ACVR1B: variants seen among roughly 807,000 people sequenced by gnomAD.
ACVR1B encodes the protein activin A receptor type 1B.
A neutral mutation model predicts 55.6 loss-of-function variants in ACVR1B; 15 were observed. That is an observed-to-expected ratio of 0.27 (90% CI 0.18 to 0.42). The LOEUF (loss-of-function observed/expected upper bound fraction) is 0.42. Among genes scored for constraint, ACVR1B ranks in the 10% least tolerant of loss-of-function variants. The pLI, the probability that ACVR1B is intolerant of heterozygous loss-of-function variation, is 1.00. For synonymous variants in ACVR1B, 247 were observed against 254.6 expected (o/e 0.97, Z 0.28); for missense variants, 359 against 670.1 (o/e 0.54, Z 5.13).
intron 1 of ACVR1B, among the ~76,000 whole-genome samples, chr12:51,967,259 A>T (rs1046525903): frequency 6.7e-6 from 1 of 150,072 alleles, no homozygotes; most frequent in African/African-American, 2.5e-5. Flanking sequence ...CCAAACAAAC[A>T]AACAAATAAA....
At chr12:51,970,154 A>G (rs1323408466) in intron 1 of ACVR1B, among the ~76,000 whole-genome samples, 4 of 152,126 alleles carry the variant, frequency 2.6e-5, no homozygotes, top group African/African-American at 9.7e-5. Flanking sequence ...GATGTGAATG[A>G]TATTTGCAGG....
At position 51,980,451 on chromosome 12, in the gene ACVR1B, G is replaced by A. The variant is rs147164192; in HGVS notation, c.581-518G>A. 1.3e-3 allele frequency among the ~76,000 whole-genome samples: 197 copies of A among 152,270 alleles called. 1 individual carries two copies. The highest frequency in any genetic ancestry group is 1.4e-3 in the Non-Finnish European group (93 of 68,028). ...GTCCTCCATTCTACATCTGGAGTTCGCTTGTGAGCAGAGCATTGCTCTCTT... is the reference window on the plus strand; with the variant it reads ...GTCCTCCATTCTACATCTGGAGTTCACTTGTGAGCAGAGCATTGCTCTCTT... On this transcript the variant is annotated intron_variant, in intron 3 of 8. Transcript: ENST00000257963.
chr12:51,994,212 CTG>C lies in ACVR1B; in HGVS notation c.*105_*106del. 2.6e-6 allele frequency: 4 copies of C among 1,523,300 alleles called. No homozygotes were observed. Among genetic ancestry groups the C allele is most frequent in the Non-Finnish European group, 2.6e-6 (3 of 1,133,550 alleles). The allele number at this position is 1,523,300 out of a possible 1,614,324, so 94.4% of individuals were successfully genotyped here. ...CTACCTCTCGTTTCTGCCCAGCCCT[CTG>C]TGGCCAGGAGCCCTGGCCCGCAAGA... On this transcript the variant is annotated 3_prime_UTR_variant, in exon 9 of 9. Coordinates refer to ENST00000257963, the MANE Select transcript of ACVR1B (RefSeq NM_004302.5). This position sits in a 1 kb window ranked among gnomAD's most constrained non-coding sequence, Gnocchi z 4.2.
Position 51,981,039 on chromosome 12 carries a change from G to A in ACVR1B, c.651G>A (p.Arg217=), listed in dbSNP as rs2120660593. 2 of 1,614,202 alleles carry A rather than the reference G, an allele frequency of 1.2e-6. No individual in the cohort carries two copies. Among genetic ancestry groups the A allele is most frequent in the Non-Finnish European group, 1.7e-6 (2 of 1,180,028 alleles). The change falls in exon 4 of 9, where the codon CGG becomes CGA. Residue 217 remains arginine, a synonymous_variant. Transcript: ENST00000257963. ...TACAAGAGATTATTGGCAAGGGTCG[G>A]TTTGGGGAAGTATGGCGGGGCCGCT... The part of the protein sequence containing the change: ...IVLQEIIGKG[R]FGEVWRGRWR...
intron 8 of ACVR1B, among the ~76,000 whole-genome samples, chr12:51,992,500 CATAAA>C (rs1467446598): frequency 2.6e-5 from 4 of 152,244 alleles, no homozygotes; most frequent in African/African-American, 9.6e-5. Flanking sequence ...GACCCTGTCT[CATAAA>C]AGAAAAAGGA....
intron 1 of ACVR1B, among the ~76,000 whole-genome samples, chr12:51,972,308 A>C (rs545000564): frequency 2.4e-4 from 37 of 152,360 alleles, no homozygotes; most frequent in Non-Finnish European, 1.0e-4. Context: ...CACGTGCCGT[A>C]TAACAGCATT....
In ACVR1B at chr12:51,992,052, G is replaced by C. The variant is rs761980696; in HGVS notation, c.1392+59G>C. On this transcript the variant is annotated intron_variant, in intron 8 of 8. Coordinates refer to ENST00000257963, the MANE Select transcript of ACVR1B (RefSeq NM_004302.5). ...GCCTGATTTCTCCACCTTAGAAAAG[G>C]GTTTCTTGACAATGGGGTCAGGCCC... is the stretch of plus-strand genomic sequence containing the variant. 25 of 1,612,790 alleles carry C rather than the reference G, an allele frequency of 1.6e-5. No homozygotes were observed. In the South Asian group the frequency reaches 2.3e-4, roughly 15 times the overall value.
intron 8 of ACVR1B, among the ~76,000 whole-genome samples, 186 bp from the exon 9 acceptor site, chr12:51,993,799 A>T (rs1215885216): frequency 2.6e-4 from 35 of 136,370 alleles, no homozygotes; most frequent in South Asian, 5.2e-4. Context: ...AAAAAAAAAA[A>T]AAAAAGGAAG....
intron 1 of ACVR1B, among the ~76,000 whole-genome samples, chr12:51,958,088 C>A (rs1941447097): frequency 6.6e-6 from 1 of 152,112 alleles, no homozygotes; most frequent in Admixed American, 6.6e-5. Flanking sequence ...CAGGAAGGTA[C>A]CATGAATGTT....
Position 51,996,099 on chromosome 12 carries a change from T to C in ACVR1B, c.*1989T>C, listed in dbSNP as rs896880968. The C allele has an allele frequency of 1.3e-5, 2 of 152,370 alleles. No individual in the cohort carries two copies. Among genetic ancestry groups the C allele is most frequent in the African/African-American group, 4.8e-5 (2 of 41,456 alleles). 9.4% of individuals were successfully genotyped at this position (152,370 alleles called of 1,614,324 possible). A position where few individuals can be genotyped will look rare whatever the true frequency, so the allele number is the denominator to read the frequency against. On this transcript the variant is annotated 3_prime_UTR_variant, in exon 9 of 9. Transcript: ENST00000257963. Reference sequence around the variant, plus strand: ...TTTGAGCCTAGAATTATTGTTCTTATATAAGATCACTGAAGAAAGAGGAAC... The same window carrying C: ...TTTGAGCCTAGAATTATTGTTCTTACATAAGATCACTGAAGAAAGAGGAAC...
intron 8 of ACVR1B, 21 bp from the exon 9 acceptor site, chr12:51,993,964 G>A: frequency 6.2e-7 from 1 of 1,613,316 alleles, no homozygotes; most frequent in Non-Finnish European, 8.5e-7. Flanking sequence ...CCGAGCTGAT[G>A]GCTCCTGGGT....
intron 7 of ACVR1B, 62 bp from the exon 8 acceptor site, chr12:51,991,801 C>T (rs773420964): frequency 1.6e-4 from 245 of 1,566,616 alleles, no homozygotes; most frequent in Non-Finnish European, 1.6e-4. Context: ...GTTTTGTCAC[C>T]GGCTTCTGAG....
intron 1 of ACVR1B, 88 bp from the exon 2 acceptor site, chr12:51,975,177 A>G: frequency 5.2e-6 from 8 of 1,527,970 alleles, no homozygotes; most frequent in South Asian, 1.3e-5. Context: ...AACATCAAGT[A>G]TGCTAAGGGA....
rs1248426778 is a variant in ACVR1B at position 51,983,993 on chromosome 12, C to G, written c.812-6C>G. ...TTTTCTGGGACTCATCTGTGGTTCT[C>G]TGCAGATAATGGCACCTGGACACAG... On this transcript the variant is annotated splice_region_variant and splice_polypyrimidine_tract_variant and intron_variant, in intron 4 of 8. Coordinates refer to ENST00000257963, the MANE Select transcript of ACVR1B (RefSeq NM_004302.5). 2.5e-6 allele frequency: 4 copies of G among 1,614,048 alleles called. No individual in the cohort carries two copies. The East Asian group carries it at 8.9e-5, about 36-fold the overall frequency.
At position 51,996,474 on chromosome 12, in the gene ACVR1B, G is replaced by A. The variant is rs1014127121; in HGVS notation, c.*2364G>A. ...TTCGTTTAAATACCATTGTGTCATT[G>A]GGGGGACCGTCTTTACCCCTGCTGA... is the stretch of plus-strand genomic sequence containing the variant. On this transcript the variant is annotated 3_prime_UTR_variant, in exon 9 of 9. Transcript: ENST00000257963. 1 of 152,548 alleles carries A rather than the reference G, an allele frequency of 6.6e-6. No individual in the cohort carries two copies. The highest frequency in any genetic ancestry group is 2.4e-5 in the African/African-American group (1 of 41,386). 9.4% of individuals were successfully genotyped at this position (152,548 alleles called of 1,614,324 possible).
chr12:51,961,663 C>T (rs1262825030), intron 1 of ACVR1B, among the ~76,000 whole-genome samples: 1 of 152,196 alleles, frequency 6.6e-6, no homozygotes, highest in African/African-American at 2.4e-5. Context: ...ACGGTCTCCT[C>T]TCCATTCGTC....
chr12:51,980,857 C>T (rs767032105), intron 3 of ACVR1B, 112 bp from the exon 4 acceptor site: 115 of 846,210 alleles, frequency 1.4e-4, no homozygotes, highest in Middle Eastern at 4.6e-4. Context: ...TAATGGACAG[C>T]GTAGGATGAA....
At chr12:51,979,025 T>A (rs1941924429) in intron 3 of ACVR1B, among the ~76,000 whole-genome samples, 1 of 150,756 alleles carries the variant, frequency 6.6e-6, no homozygotes. Context: ...TAGCCGGGTG[T>A]AGTGGCACAC....
At chr12:51,978,805 G>A (rs1941919010) in intron 3 of ACVR1B, among the ~76,000 whole-genome samples, 1 of 148,876 alleles carries the variant, frequency 6.7e-6, no homozygotes, top group African/African-American at 2.5e-5. Context: ...ACTCCAGCCT[G>A]GGCAACAGAG....
Sources: allele counts gnomAD v4.1 joint callset (sites outside exome capture counted in the v4.1 genomes callset), GRCh38; gene constraint gnomAD v4.1.1; non-coding constraint Gnocchi (gnomAD v3.1); transcripts MANE v1.5; gene names NCBI Gene and HGNC (gene_info 2026-07-23, HGNC 2026-07-21).